BPTF: variants seen among roughly 807,000 people sequenced by gnomAD.
The protein encoded by BPTF is nucleosome-remodeling factor subunit BPTF.
BPTF carries 18 observed loss-of-function variants against 292.5 expected under a neutral mutation model. That is an observed-to-expected ratio of 0.06 (90% CI 0.04 to 0.09). BPTF has a LOEUF of 0.09. Ranked by LOEUF, BPTF falls within the 10% of genes least tolerant of loss-of-function variation. The pLI, the probability that BPTF is intolerant of heterozygous loss-of-function variation, is 1.00. For missense variants in BPTF, 2,726 were observed against 3,498.7 expected (o/e 0.78, Z 5.57); for synonymous variants, 1,225 against 1,251.9 (o/e 0.98, Z 0.45).
At chr17:67,981,493 C>T in intron 27 of BPTF, 3 of 1,201,432 alleles carry the variant, frequency 2.5e-6, no homozygotes, top group Non-Finnish European at 3.2e-6. Flanking sequence ...GTTGGGGTCA[C>T]TCTTTGTTTT....
At chr17:67,895,021 A>G (rs1040007347) in intron 7 of BPTF, among the ~76,000 whole-genome samples, 2 of 152,240 alleles carry the variant, frequency 1.3e-5, no homozygotes, top group African/African-American at 4.8e-5. Context: ...GCATAAAGCA[A>G]AAAGTAAGAA....
chr17:67,913,211 G>A (rs1167585485), intron 11 of BPTF, 24 bp downstream of exon 11: 2 of 1,536,332 alleles, frequency 1.3e-6, no homozygotes, highest in South Asian at 1.3e-5. Context: ...AATGTATTTG[G>A]GGGAGGGAGA....
intron 15 of BPTF, among the ~76,000 whole-genome samples, chr17:67,925,457 G>GCAT (rs2063789654): frequency 6.6e-6 from 1 of 151,896 alleles, no homozygotes; most frequent in African/African-American, 2.4e-5. Flanking sequence ...TGAGTCCAGG[G>GCAT]GTTTGAGACC....
chr17:67,975,489 C>A lies in BPTF; in HGVS notation c.8540-283C>A, dbSNP rs571354715. 33 of 292,198 alleles carry A rather than the reference C, an allele frequency of 1.1e-4. 1 individual carries two copies. The highest frequency in any genetic ancestry group is 6.8e-4 in the African/African-American group (31 of 45,874). The allele number at this position is 292,198 out of a possible 1,614,324, so 18.1% of individuals were successfully genotyped here. On this transcript the variant is annotated intron_variant, in intron 26 of 27. Transcript: ENST00000306378. ...TGCATAGAGCATGTCGGTGTGTTTCCTTGATTTCAAACCATTTGAATGAAG... is the reference window on the plus strand; with the variant it reads ...TGCATAGAGCATGTCGGTGTGTTTCATTGATTTCAAACCATTTGAATGAAG...
chr17:67,828,634 T>G (rs965500156), intron 1 of BPTF, among the ~76,000 whole-genome samples: 1 of 152,226 alleles, frequency 6.6e-6, no homozygotes, highest in African/African-American at 2.4e-5. Context: ...GTTCAAGCAA[T>G]TCTCCTGCCT....
intron 4 of BPTF, among the ~76,000 whole-genome samples, chr17:67,890,812 A>G (rs936865579): frequency 2.0e-5 from 3 of 152,200 alleles, no homozygotes; most frequent in African/African-American, 7.2e-5. Context: ...TTAAAATGCC[A>G]TCTTTATTAT....
intron 7 of BPTF, among the ~76,000 whole-genome samples, chr17:67,897,500 A>G (rs1224999998): frequency 6.6e-6 from 1 of 152,166 alleles, no homozygotes; most frequent in East Asian, 1.9e-4. Context: ...GGGTCCACCT[A>G]GAAAGAGTGG....
rs2070602330 is a variant in BPTF, at chr17:67,983,196, C to G, written c.*908C>G. The G allele has an allele frequency of 6.6e-6, 1 of 152,522 alleles. No individual in the cohort carries two copies. Among genetic ancestry groups the G allele is most frequent in the Non-Finnish European group, 1.5e-5 (1 of 68,042 alleles). 9.4% of individuals were successfully genotyped at this position (152,522 alleles called of 1,614,324 possible). The stretch of plus-strand genomic sequence containing the variant: ...ATGTGCGCTAATGATTATCTGTAAG[C>G]CTTTGTGGGGAGGGAGGCCTGCAAG... On this transcript the variant is annotated 3_prime_UTR_variant, in exon 28 of 28. Transcript: ENST00000306378.
chr17:67,874,161 C>T (rs1320496679), intron 3 of BPTF, among the ~76,000 whole-genome samples: 1 of 152,204 alleles, frequency 6.6e-6, no homozygotes, highest in African/African-American at 2.4e-5. Flanking sequence ...TGAGTGCGTA[C>T]TGATATACCG....
At chr17:67,905,716 A>G (rs1359224293) in intron 9 of BPTF, among the ~76,000 whole-genome samples, 2 of 152,152 alleles carry the variant, frequency 1.3e-5, no homozygotes, top group Non-Finnish European at 2.9e-5. Context: ...CTCTTAAAAA[A>G]AAAAATCTTA....
At chr17:67,861,539 C>T (rs1219658949) in intron 2 of BPTF, among the ~76,000 whole-genome samples, 3 of 152,200 alleles carry the variant, frequency 2.0e-5, no homozygotes, top group East Asian at 3.9e-4. Flanking sequence ...TGATATTGAA[C>T]TCCTGACCTC....
At chr17:67,967,550 G>A (rs111470720) in intron 26 of BPTF, among the ~76,000 whole-genome samples, 2,661 of 152,064 alleles carry the variant, frequency 0.017, 74 homozygotes, top group African/African-American at 0.061. Context: ...GAAATGGCGG[G>A]GTGGCTCACG....
intron 1 of BPTF, 91 bp from the exon 2 acceptor site, chr17:67,853,849 A>G (rs552272446): frequency 1.1e-6 from 1 of 885,990 alleles, no homozygotes; most frequent in African/African-American, 1.7e-5. Flanking sequence ...AAATGTACTT[A>G]TGTATTTTAG....
rs1598049089 is a variant in BPTF, at chr17:67,825,881, G to A, written c.157G>A (p.Ala53Thr). ...CGGCAGCAGCCGGGGCAGGTGGGCCGCCGCCCAGGCTGAGGTGGCGCCCAA... is the reference window on the plus strand; with the variant it reads ...CGGCAGCAGCCGGGGCAGGTGGGCCACCGCCCAGGCTGAGGTGGCGCCCAA... ...HRGSSRGRWA[A>T]AQAEVAPKTR... The change falls in exon 1 of 28, where the codon GCC becomes ACC. Residue 53 changes from alanine to threonine, a missense_variant. Ala to Thr is a moderately conservative substitution (Grantham distance 58). Around this residue, in one of 22 missense-constraint regions of BPTF, gnomAD observed 103 missense variants for 72.1 expected, o/e 1.43. Transcript: ENST00000306378. The A allele has an allele frequency of 9.9e-7, 1 of 1,014,882 alleles. No individual in the cohort carries two copies. Among genetic ancestry groups the A allele is most frequent in the Non-Finnish European group, 1.2e-6 (1 of 850,962 alleles). 62.9% of individuals were successfully genotyped at this position (1,014,882 alleles called of 1,614,324 possible).
chr17:67,913,867 A>G (rs1185632310), intron 11 of BPTF, among the ~76,000 whole-genome samples: 1 of 152,198 alleles, frequency 6.6e-6, no homozygotes, highest in Admixed American at 6.5e-5. Context: ...TATCTTTTGT[A>G]AATGTACAGT....
At chr17:67,977,546 T>C (rs1434115422) in intron 27 of BPTF, among the ~76,000 whole-genome samples, 3 of 149,168 alleles carry the variant, frequency 2.0e-5, no homozygotes, top group Non-Finnish European at 4.4e-5. Context: ...CTGTCAAAAA[T>C]AAGGAAACAA....
intron 7 of BPTF, among the ~76,000 whole-genome samples, chr17:67,900,976 G>A (rs1328270109): frequency 6.6e-6 from 1 of 151,686 alleles, no homozygotes; most frequent in African/African-American, 2.4e-5. Flanking sequence ...CTATGATTGC[G>A]CCACTGTACT....
intron 23 of BPTF, among the ~76,000 whole-genome samples, chr17:67,948,838 G>A (rs782044707): frequency 2.0e-5 from 3 of 151,946 alleles, no homozygotes; most frequent in African/African-American, 4.8e-5. Flanking sequence ...AAATGAAAAA[G>A]TTAGCCAGAT....
Position 67,854,482 on chromosome 17 carries a change from G to T in BPTF, c.1156G>T (p.Val386Leu), listed in dbSNP as rs771231934. ...TCGAGAGGAATTGATGTCTGAAGGG[G>T]TGATACAGTATGATGACCATTGTAG... ...IAREELMSEGVIQYDDHCRVC... is the reference protein window; with the variant it reads ...IAREELMSEGLIQYDDHCRVC... The change falls in exon 2 of 28, where the codon GTG becomes TTG. Residue 386 changes from valine (V) to leucine (L), a missense_variant. Transcript: ENST00000306378. The surrounding 1 kb of genome is among the most constrained non-coding windows in gnomAD (Gnocchi z 5.6). The T allele has an allele frequency of 2.5e-6, 4 of 1,614,214 alleles. No homozygotes were observed. Among genetic ancestry groups the T allele is most frequent in the Non-Finnish European group, 2.5e-6 (3 of 1,180,038 alleles).
Sources: gnomAD v4.1 joint callset for allele counts (sites outside exome capture counted in the v4.1 genomes callset) on GRCh38, gnomAD v4.1.1 for gene constraint, gnomAD v4.1.1 regional missense constraint, Gnocchi (gnomAD v3.1) non-coding constraint, MANE v1.5 for transcripts, NCBI Gene and HGNC (gene_info 2026-07-23, HGNC 2026-07-21) for gene names.